Variants in KLHL29 observed in about 807,000 individuals in gnomAD.
The protein encoded by KLHL29 is kelch like family member 29, also known as kelch-like protein 29.
A neutral mutation model predicts 80.4 loss-of-function variants in KLHL29; 21 were observed. The observed-to-expected ratio is 0.26, with a 90% CI of 0.19 to 0.38. The LOEUF (loss-of-function observed/expected upper bound fraction) is 0.38, where lower values mean the gene tolerates loss of function less well. Ranked by LOEUF, KLHL29 falls within the 10% of genes least tolerant of loss-of-function variation. The probability of loss-of-function intolerance (pLI) is 1.00; values close to 1 mark genes in which losing one functional copy is unlikely to be tolerated. For synonymous variants in KLHL29, 511 were observed against 526.8 expected (o/e 0.97, Z 0.41); for missense variants, 867 against 1,223.9 (o/e 0.71, Z 4.35).
chr2:23,632,203 A>C (rs1359502259), intron 3 of KLHL29, among the ~76,000 whole-genome samples: 1 of 152,248 alleles, frequency 6.6e-6, no homozygotes, highest in African/African-American at 2.4e-5. Flanking sequence ...TAACCTGCCA[A>C]CACTAGAAAG....
intron 2 of KLHL29, among the ~76,000 whole-genome samples, chr2:23,542,817 G>A (rs1200763631): frequency 6.6e-6 from 1 of 152,162 alleles, no homozygotes; most frequent in South Asian, 2.1e-4. Flanking sequence ...CTTTCACCAG[G>A]GACACCTGGG....
At chr2:23,531,451 C>T (rs1459521028) in intron 2 of KLHL29, among the ~76,000 whole-genome samples, 3 of 152,194 alleles carry the variant, frequency 2.0e-5, no homozygotes, top group South Asian at 2.1e-4. Context: ...GGGGACCCTC[C>T]GCCTCCCTCG....
At chr2:23,416,968 T>G (rs535965664) in intron 1 of KLHL29, among the ~76,000 whole-genome samples, 1 of 152,308 alleles carries the variant, frequency 6.6e-6, no homozygotes, top group Non-Finnish European at 1.5e-5. Context: ...GAAGCTGATC[T>G]CAAGCCTCTT....
intron 1 of KLHL29, among the ~76,000 whole-genome samples, chr2:23,461,053 G>A (rs566587307): frequency 2.7e-4 from 41 of 152,350 alleles, no homozygotes; most frequent in Non-Finnish European, 4.6e-4. Flanking sequence ...TAGAAAGATC[G>A]TCCCGGTGGC....
intron 1 of KLHL29, among the ~76,000 whole-genome samples, chr2:23,388,063 A>C (rs555304843): frequency 7.2e-5 from 11 of 152,324 alleles, no homozygotes; most frequent in African/African-American, 2.6e-4. Context: ...AAAATATCCT[A>C]TGGTAGCCAT....
chr2:23,692,615 T>G (rs1434029985), intron 7 of KLHL29, among the ~76,000 whole-genome samples: 1 of 152,018 alleles, frequency 6.6e-6, no homozygotes, highest in East Asian at 1.9e-4. Context: ...CGCGCACAGA[T>G]GGGCCTCCAG....
chr2:23,415,684 A>C (rs1666967098), intron 1 of KLHL29, among the ~76,000 whole-genome samples: 1 of 151,710 alleles, frequency 6.6e-6, no homozygotes. Flanking sequence ...ATGTATCCTT[A>C]GATCTAAAGG....
At chr2:23,530,960 C>T (rs1666472194) in intron 2 of KLHL29, among the ~76,000 whole-genome samples, 1 of 152,206 alleles carries the variant, frequency 6.6e-6, no homozygotes, top group African/African-American at 2.4e-5. Context: ...GGCAGAGTCT[C>T]CCCAGAGTTG....
At chr2:23,430,786 A>G (rs1663149158) in intron 1 of KLHL29, among the ~76,000 whole-genome samples, 1 of 152,194 alleles carries the variant, frequency 6.6e-6, no homozygotes, top group African/African-American at 2.4e-5. Flanking sequence ...TCTTCTAGAT[A>G]GTGAGCGGCC....
intron 2 of KLHL29, among the ~76,000 whole-genome samples, chr2:23,537,460 A>G (rs1666707454): frequency 8.3e-6 from 1 of 120,066 alleles, no homozygotes; most frequent in African/African-American, 3.6e-5. Context: ...ACACACACAC[A>G]CACACAGGCA....
chr2:23,670,584 G>A (rs999295383), intron 5 of KLHL29, among the ~76,000 whole-genome samples: 19 of 152,144 alleles, frequency 1.2e-4, no homozygotes, highest in African/African-American at 4.1e-4. Context: ...GGCCTGCGGC[G>A]GGGGGCTGAT....
At chr2:23,688,588 C>T (rs967447391) in intron 6 of KLHL29, among the ~76,000 whole-genome samples, 2 of 152,126 alleles carry the variant, frequency 1.3e-5, no homozygotes, top group Non-Finnish European at 2.9e-5. Flanking sequence ...ACTCTGGCCT[C>T]TCCTGGGCAC....
At chr2:23,605,916 C>T (rs929301743) in intron 3 of KLHL29, among the ~76,000 whole-genome samples, 1 of 152,004 alleles carries the variant, frequency 6.6e-6, no homozygotes, top group Non-Finnish European at 1.5e-5. Flanking sequence ...ATTTTAGGCA[C>T]CCACCACCAC....
At chr2:23,610,284 C>T (rs1394344705) in intron 3 of KLHL29, among the ~76,000 whole-genome samples, 2 of 152,222 alleles carry the variant, frequency 1.3e-5, no homozygotes, top group African/African-American at 4.8e-5. Flanking sequence ...TGAATTGCAC[C>T]TTGCTGTATT....
At chr2:23,512,777 A>G (rs545800668) in intron 2 of KLHL29, among the ~76,000 whole-genome samples, 1 of 152,374 alleles carries the variant, frequency 6.6e-6, no homozygotes, top group African/African-American at 2.4e-5. Flanking sequence ...ATCCGCTGGT[A>G]CAGGACTGTG....
intron 1 of KLHL29, among the ~76,000 whole-genome samples, chr2:23,413,324 C>G (rs1204094837): frequency 6.6e-6 from 1 of 152,140 alleles, no homozygotes. Context: ...CCAGCCATTT[C>G]CATCCTGACT....
intron 3 of KLHL29, among the ~76,000 whole-genome samples, chr2:23,575,209 G>T (rs874868): frequency 0.64 from 96,686 of 151,938 alleles, 33,487 homozygotes; most frequent in East Asian, 0.78. Flanking sequence ...AGCCGTGGAG[G>T]AGCGTTTTTG....
chr2:23,601,296 G>A lies in KLHL29; in HGVS notation c.286-37843G>A, dbSNP rs115101014. Among the ~76,000 whole-genome samples the A allele has an allele frequency of 7.6e-3, 1,161 of 152,334 alleles. 18 individuals are homozygous for A. Among genetic ancestry groups the A allele is most frequent in the African/African-American group, 0.027 (1,115 of 41,572 alleles). Reference sequence around the variant, plus strand: ...GCTCAGCCGAGAAAATTCATTTTAAGTGGGTTTTGGGTGGGAGTAAAGCGT... The same window carrying A: ...GCTCAGCCGAGAAAATTCATTTTAAATGGGTTTTGGGTGGGAGTAAAGCGT... On this transcript the variant is annotated intron_variant, in intron 3 of 13. Transcript: ENST00000486442.
intron 5 of KLHL29, among the ~76,000 whole-genome samples, chr2:23,650,749 G>T (rs905231056): frequency 6.6e-6 from 1 of 152,156 alleles, no homozygotes; most frequent in Admixed American, 6.5e-5. Context: ...GTTTAATGTC[G>T]AGTTTCCTGT....
Sources: gnomAD v4.1 joint callset for allele counts (sites outside exome capture counted in the v4.1 genomes callset) on GRCh38, gnomAD v4.1.1 for gene constraint, MANE v1.5 for transcripts, NCBI Gene and HGNC (gene_info 2026-07-23, HGNC 2026-07-21) for gene names.